The following ZNF423 variants were observed in gnomAD, a reference collection of about 807,000 sequenced individuals.
ZNF423 encodes Ebf-associated zinc finger protein.
In ZNF423, 12 loss-of-function variants were observed where a neutral mutation model predicts 95.8. That is an observed-to-expected ratio of 0.13 (90% CI 0.08 to 0.20). The LOEUF (loss-of-function observed/expected upper bound fraction) is 0.20. ZNF423 is among the 10% of genes least tolerant of loss of function. The pLI, the probability that ZNF423 is intolerant of heterozygous loss-of-function variation, is 1.00. For missense variants in ZNF423, 1,316 were observed against 1,737.1 expected (o/e 0.76, Z 4.31); for synonymous variants, 749 against 711.9 (o/e 1.05, Z -0.83).
At chr16:49,572,943 T>G (rs1970395549) in intron 5 of ZNF423, among the ~76,000 whole-genome samples, 1 of 152,158 alleles carries the variant, frequency 6.6e-6, no homozygotes, top group South Asian at 2.1e-4. Context: ...TTCTACTGGT[T>G]GAGAATGATA....
chr16:49,706,711 G>A (rs754727792), intron 3 of ZNF423, among the ~76,000 whole-genome samples: 223 of 152,314 alleles, frequency 1.5e-3, no homozygotes, highest in Non-Finnish European at 2.9e-3. Context: ...GAGATTTACA[G>A]CAACTTAGAG....
intron 5 of ZNF423, among the ~76,000 whole-genome samples, chr16:49,530,691 A>G (rs1024175026): frequency 1.2e-4 from 19 of 152,036 alleles, no homozygotes; most frequent in African/African-American, 3.9e-4. Flanking sequence ...AAAAACCTCA[A>G]CTCCAGTAAC....
At chr16:49,522,476 G>A (rs998873568) in intron 7 of ZNF423, among the ~76,000 whole-genome samples, 2 of 152,094 alleles carry the variant, frequency 1.3e-5, no homozygotes, top group African/African-American at 2.4e-5. Context: ...CCCATCACCT[G>A]CTTGGATATG....
At chr16:49,710,405 G>C (rs1253668088) in intron 3 of ZNF423, among the ~76,000 whole-genome samples, 1 of 152,150 alleles carries the variant, frequency 6.6e-6, no homozygotes, top group Non-Finnish European at 1.5e-5. Flanking sequence ...CGGCACCCCA[G>C]GTCTGTTCAA....
intron 3 of ZNF423, among the ~76,000 whole-genome samples, chr16:49,639,721 C>T (rs1375130370): frequency 6.6e-6 from 1 of 152,180 alleles, no homozygotes; most frequent in Non-Finnish European, 1.5e-5. Context: ...CAGGCGGACC[C>T]TTAACCCCAC....
chr16:49,774,217 C>T (rs575038728), intron 2 of ZNF423, among the ~76,000 whole-genome samples: 10 of 152,318 alleles, frequency 6.6e-5, no homozygotes, highest in Non-Finnish European at 4.4e-5. Context: ...CCTCTTTCCA[C>T]GTTTGGAGAA....
chr16:49,539,542 C>T (rs1969176698), intron 5 of ZNF423, among the ~76,000 whole-genome samples: 1 of 152,196 alleles, frequency 6.6e-6, no homozygotes, highest in Admixed American at 6.5e-5. Context: ...TGTTCCCCAC[C>T]ATGTAAAATG....
chr16:49,605,556 T>A (rs562147461), intron 5 of ZNF423, among the ~76,000 whole-genome samples: 52 of 152,254 alleles, frequency 3.4e-4, no homozygotes, highest in Middle Eastern at 3.4e-3. Context: ...TCCCACCTCC[T>A]TCCATTCCCC....
In ZNF423 at chr16:49,635,022, C is replaced by T. The variant is rs772914583; in HGVS notation, c.3516+638G>A. Among the ~76,000 whole-genome samples the T allele has an allele frequency of 1.1e-4, 16 of 152,200 alleles. No individual in the cohort carries two copies. Among genetic ancestry groups the T allele is most frequent in the Non-Finnish European group, 2.1e-4 (14 of 68,038 alleles). On this transcript the variant is annotated intron_variant, in intron 4 of 7. Coordinates refer to ENST00000563137, the MANE Select transcript of ZNF423 (RefSeq NM_001379286.1). The surrounding 1 kb of genome is among the most constrained non-coding windows in gnomAD (Gnocchi z 4.8). Reference sequence around the variant, plus strand: ...GATGAACGAATCAATCAGTCATTAACAATAACAGCAATTGAAACCACATCA... The same window carrying T: ...GATGAACGAATCAATCAGTCATTAATAATAACAGCAATTGAAACCACATCA...
intron 2 of ZNF423, among the ~76,000 whole-genome samples, chr16:49,788,352 C>T (rs570807161): frequency 5.3e-5 from 8 of 152,366 alleles, no homozygotes; most frequent in African/African-American, 1.4e-4. Context: ...CTTCAAGCTT[C>T]CCGCTGAGTC....
intron 3 of ZNF423, among the ~76,000 whole-genome samples, chr16:49,657,791 T>A (rs760150308): frequency 6.6e-6 from 1 of 152,204 alleles, no homozygotes; most frequent in Non-Finnish European, 1.5e-5. Flanking sequence ...TCAGGCTCTG[T>A]GTTCAGGGGT....
intron 3 of ZNF423, among the ~76,000 whole-genome samples, chr16:49,693,109 T>C (rs758470201): frequency 6.6e-6 from 1 of 152,272 alleles, no homozygotes. Context: ...AAGTGCTTAT[T>C]ACATGCCAAG....
chr16:49,523,656 G>A lies in ZNF423; in HGVS notation c.3817C>T (p.Pro1273Ser). 1.2e-6 allele frequency: 2 copies of A among 1,614,160 alleles called. No individual in the cohort carries two copies. Among genetic ancestry groups the A allele is most frequent in the South Asian group, 1.1e-5 (1 of 91,076 alleles). The change falls in exon 7 of 8, where the codon CCT (proline) becomes TCT (serine). Residue 1273 changes from proline to serine, a missense_variant. Physicochemically the swap from Pro to Ser is moderately conservative, Grantham distance 74 (BLOSUM62 -1). This residue lies in a region of ZNF423 where 75 missense variants were observed against 163.5 expected (regional missense o/e 0.46). Transcript: ENST00000563137. Reference protein sequence around the residue: ...EDKIYDCSQCPQKFFFQTELQ... With the variant: ...EDKIYDCSQCSQKFFFQTELQ... Reference sequence around the variant, plus strand: ...TCGGTCTGGAAGAAGAACTTCTGAGGGCACTGTGAGCAGTCGTAGATCTTG... The same window carrying A: ...TCGGTCTGGAAGAAGAACTTCTGAGAGCACTGTGAGCAGTCGTAGATCTTG...
intron 2 of ZNF423, among the ~76,000 whole-genome samples, chr16:49,749,064 C>G (rs192977644): frequency 6.6e-6 from 1 of 152,252 alleles, no homozygotes; most frequent in Non-Finnish European, 1.5e-5. Context: ...AATAAAGAGA[C>G]GAGGAAGGTG....
intron 5 of ZNF423, among the ~76,000 whole-genome samples, chr16:49,540,971 C>G (rs189404678): frequency 1.5e-4 from 23 of 152,308 alleles, no homozygotes; most frequent in Non-Finnish European, 2.6e-4. Flanking sequence ...ACAGAAAACA[C>G]CTCCCCAACT....
intron 5 of ZNF423, among the ~76,000 whole-genome samples, chr16:49,615,711 G>C (rs549690636): frequency 5.9e-5 from 9 of 152,184 alleles, no homozygotes; most frequent in Admixed American, 3.3e-4. Context: ...CTGACCAAGG[G>C]GCTCCTCTAG....
chr16:49,807,255 C>T (rs1212084072), intron 1 of ZNF423, among the ~76,000 whole-genome samples: 1 of 151,870 alleles, frequency 6.6e-6, no homozygotes, highest in Non-Finnish European at 1.5e-5. Flanking sequence ...TGCGGTGAAA[C>T]CCCATCTCTA....
intron 3 of ZNF423, among the ~76,000 whole-genome samples, chr16:49,696,045 T>A (rs1297320628): frequency 6.6e-6 from 1 of 152,106 alleles, no homozygotes; most frequent in Non-Finnish European, 1.5e-5. Flanking sequence ...CTCAGATAGG[T>A]TTACTCAGCT....
rs1006010515 is a variant in ZNF423, at chr16:49,498,342, C to T, written c.3850-7038G>A. 2.0e-5 allele frequency among the ~76,000 whole-genome samples: 3 copies of T among 152,230 alleles called. No individual in the cohort carries two copies. In the South Asian group the frequency reaches 6.2e-4, roughly 31 times the overall value. ...GTCTGTCTGCAGAGCCCACTCTTCA[C>T]CACCACACTGTTCTGCCTGTGAGAT... is the stretch of plus-strand genomic sequence containing the variant. On this transcript the variant is annotated intron_variant, in intron 7 of 7. Transcript: ENST00000563137.
Sources: gnomAD v4.1 joint callset for allele counts (sites outside exome capture counted in the v4.1 genomes callset) on GRCh38, gnomAD v4.1.1 for gene constraint, gnomAD v4.1.1 regional missense constraint, Gnocchi (gnomAD v3.1) non-coding constraint, MANE v1.5 for transcripts, NCBI Gene and HGNC (gene_info 2026-07-23, HGNC 2026-07-21) for gene names.